The following SPDL1 variants were observed in gnomAD, a reference collection of about 807,000 sequenced individuals.
The protein encoded by SPDL1 is spindle apparatus coiled-coil protein 1, also known as protein Spindly.
A neutral mutation model predicts 79.5 loss-of-function variants in SPDL1; 85 were observed. The observed-to-expected ratio is 1.07, with a 90% confidence interval of 0.90 to 1.28. The LOEUF (loss-of-function observed/expected upper bound fraction) is 1.28, where lower values mean the gene tolerates loss of function less well. Ranked by LOEUF, SPDL1 falls within the 50% of genes most tolerant of loss-of-function variation. The pLI, the probability that SPDL1 is intolerant of heterozygous loss-of-function variation, is 0.00. For synonymous variants in SPDL1, 269 were observed against 240.3 expected (o/e 1.12, Z -1.10); for missense variants, 703 against 697.8 (o/e 1.01, Z -0.08).
chr5:169,586,474 G>A (rs1187063955), intron 1 of SPDL1: 2 of 152,194 alleles, frequency 1.3e-5, no homozygotes, highest in Non-Finnish European at 2.9e-5. Context: ...TCTATAGACT[G>A]ATAATTCTCA....
chr5:169,589,206 A>G (rs1171077406), intron 2 of SPDL1, among the ~76,000 whole-genome samples: 3 of 152,114 alleles, frequency 2.0e-5, no homozygotes, highest in Non-Finnish European at 4.4e-5. Context: ...CTAGACTACA[A>G]AGCATGTATC....
rs748539158 is a variant in SPDL1, at chr5:169,604,231, G to A, written c.*24G>A. 3.1e-5 allele frequency: 47 copies of A among 1,523,508 alleles called. No individual in the cohort carries two copies. In the East Asian group the frequency reaches 4.7e-4, roughly 15 times the overall value. 94.4% of individuals were successfully genotyped at this position (1,523,508 alleles called of 1,614,324 possible). A position where few individuals can be genotyped will look rare whatever the true frequency, so the allele number is the denominator to read the frequency against. ...AAAGACTTGTCTTTAATAAGAGTAC[G>A]GTGCCACTTGCCTCAAAAGTTACTA... On this transcript the variant is annotated 3_prime_UTR_variant, in exon 12 of 12. Transcript: ENST00000265295.
rs1246598577 is a variant in SPDL1 at position 169,604,665 on chromosome 5, A to G, written c.*458A>G. On this transcript the variant is annotated 3_prime_UTR_variant, in exon 12 of 12. Coordinates refer to ENST00000265295, the MANE Select transcript of SPDL1 (RefSeq NM_017785.5). ...ATGTGGCTTAAAATATATACATTAT[A>G]TTGTTTCAGGATTTTGTCAGTGTTT... 6.6e-6 allele frequency: 1 copy of G among 152,146 alleles called. No individual in the cohort carries two copies. The allele number at this position is 152,146 out of a possible 1,614,324, so 9.4% of individuals were successfully genotyped here.
In SPDL1 at chr5:169,594,698, A is replaced by C; in HGVS notation, c.891+17A>C. The C allele has an allele frequency of 6.4e-7, 1 of 1,570,696 alleles. No individual in the cohort carries two copies. Among genetic ancestry groups the C allele is most frequent in the African/African-American group, 1.4e-5 (1 of 73,994 alleles). On this transcript the variant is annotated intron_variant, in intron 7 of 11. Coordinates refer to ENST00000265295, the MANE Select transcript of SPDL1 (RefSeq NM_017785.5). ...AGAATGAAGGTATAGAACTTTCACT[A>C]TCAAAGGTTTATTAAACAAATTTTG... is the stretch of plus-strand genomic sequence containing the variant.
rs760202715 is a variant in SPDL1 at position 169,588,561 on chromosome 5, A to T, written c.145A>T (p.Met49Leu). 6.2e-7 allele frequency: 1 copy of T among 1,612,420 alleles called. No homozygotes were observed. Among genetic ancestry groups the T allele is most frequent in the African/African-American group, 1.3e-5 (1 of 74,872 alleles). The change falls in exon 2 of 12, where the codon ATG becomes TTG. Residue 49 changes from methionine (M) to leucine (L), a missense_variant. Transcript: ENST00000265295. ...NQLDKCRNEM[M>L]TMTESYEQEK... ...ATTGGATAAATGTCGTAATGAAATG[A>T]TGACCATGACTGAGGTAGGACTCTG...
At chr5:169,597,668 C>T (rs1581311767) in intron 8 of SPDL1, among the ~76,000 whole-genome samples, 1 of 152,106 alleles carries the variant, frequency 6.6e-6, no homozygotes, top group East Asian at 1.9e-4. Flanking sequence ...ACATTGATAT[C>T]TTCATTAACC....
At chr5:169,592,913 C>A (rs1186155115) in intron 3 of SPDL1, among the ~76,000 whole-genome samples, 1 of 145,838 alleles carries the variant, frequency 6.9e-6, no homozygotes, top group African/African-American at 2.5e-5. Context: ...TTTTTTAATA[C>A]CTTTTCTTCT....
In SPDL1 at chr5:169,601,358, TCAA is replaced by T. The variant is rs750392005; in HGVS notation, c.1409_1411del (p.Asn470del). The T allele has an allele frequency of 6.2e-7, 1 of 1,613,948 alleles. No homozygotes were observed. The highest frequency in any genetic ancestry group is 2.2e-5 in the East Asian group (1 of 44,878). ...ATAACCACCGCTAAAGATGCATGTGTCAACAACAGTGCTCTCGGGGGAGAAGTT... is the reference window on the plus strand; with the variant it reads ...ATAACCACCGCTAAAGATGCATGTGTCAACAGTGCTCTCGGGGGAGAAGTT... On this transcript the variant is annotated inframe_deletion, in exon 11 of 12. Transcript: ENST00000265295.
intron 1 of SPDL1, among the ~76,000 whole-genome samples, chr5:169,587,939 C>T (rs1215968223): frequency 1.3e-5 from 2 of 152,096 alleles, no homozygotes; most frequent in East Asian, 1.9e-4. Context: ...AGGCTGGTCT[C>T]GAATTCCTGG....
intron 11 of SPDL1, among the ~76,000 whole-genome samples, chr5:169,603,334 A>G (rs1290276187): frequency 6.6e-6 from 1 of 151,702 alleles, no homozygotes; most frequent in African/African-American, 2.4e-5. Context: ...TCTTTTCTTT[A>G]TTCTACTAGT....
At chr5:169,601,206 G>A (rs1755856871) in intron 10 of SPDL1, 74 bp from the exon 11 acceptor site, 1 of 1,364,282 alleles carries the variant, frequency 7.3e-7, no homozygotes, top group Non-Finnish European at 1.0e-6. Context: ...CATATAACTA[G>A]TTCTGGCTTC....
At chr5:169,592,038 G>A (rs989971747) in intron 3 of SPDL1, among the ~76,000 whole-genome samples, 23 of 152,144 alleles carry the variant, frequency 1.5e-4, no homozygotes, top group African/African-American at 5.1e-4. Context: ...ACCAAAACTT[G>A]CCTGACTTTT....
chr5:169,601,401 T>C lies in SPDL1; in HGVS notation c.1446T>C (p.Pro482=), dbSNP rs747083486. Residue 482 remains proline (P), a synonymous_variant, in exon 11 of 12, where the codon CCT becomes CCC. Transcript: ENST00000265295. ...GGGGAGAAGTTTATCGATTACCGCC[T>C]CAGAAAGAGGAGACACAGTCCTGCC... The part of the protein sequence containing the change: ...ALGGEVYRLP[P]QKEETQSCPN... 6.2e-7 allele frequency: 1 copy of C among 1,613,954 alleles called. No individual in the cohort carries two copies. Among genetic ancestry groups the C allele is most frequent in the Admixed American group, 1.7e-5 (1 of 59,990 alleles).
Position 169,604,197 on chromosome 5 carries a change from CT to C in SPDL1, c.1809del (p.Gln604AsnfsTer26). 6.3e-7 allele frequency: 1 copy of C among 1,588,358 alleles called. No individual in the cohort carries two copies. Among genetic ancestry groups the C allele is most frequent in the Middle Eastern group, 1.7e-4 (1 of 5,910 alleles). Reference sequence around the variant, plus strand: ...AAATCTACTCCAGAGACCCAGTGCCCTCAACAGTAAAGACTTGTCTTTAATA... The same window carrying C: ...AAATCTACTCCAGAGACCCAGTGCCCCAACAGTAAAGACTTGTCTTTAATA... The part of the protein sequence containing the change: ...SSKSTPETQC[P>X]QQ On this transcript the variant is annotated frameshift_variant, in exon 12 of 12. Coordinates refer to ENST00000265295, the MANE Select transcript of SPDL1 (RefSeq NM_017785.5). LOFTEE classifies it high-confidence loss of function.
intron 8 of SPDL1, among the ~76,000 whole-genome samples, chr5:169,597,574 A>G (rs1561874572): frequency 6.6e-6 from 1 of 152,066 alleles, no homozygotes; most frequent in Non-Finnish European, 1.5e-5. Context: ...TCATTTACAA[A>G]CATCTTGTCT....
Position 169,593,521 on chromosome 5 carries a change from T to G in SPDL1, c.504T>G (p.Ile168Met), listed in dbSNP as rs1233294778. ...CTTCAGAGATGCTGGCTCTTCAAAT[T>G]GAGCTGACAGAAATGGAGAGTATGA... ...SMSSEMLALQ[I>M]ELTEMESMKT... The change falls in exon 4 of 12, where the codon ATT (isoleucine) becomes ATG (methionine). Residue 168 changes from isoleucine to methionine, a missense_variant. Physicochemically the swap from Ile to Met is conservative, Grantham distance 10. Coordinates refer to ENST00000265295, the MANE Select transcript of SPDL1 (RefSeq NM_017785.5). 1 of 1,611,426 alleles carries G rather than the reference T, an allele frequency of 6.2e-7. No individual in the cohort carries two copies. Among genetic ancestry groups the G allele is most frequent in the African/African-American group, 1.3e-5 (1 of 74,900 alleles).
In SPDL1 at chr5:169,593,522, G is replaced by T; in HGVS notation, c.505G>T (p.Glu169Ter). Reference sequence around the variant, plus strand: ...TTCAGAGATGCTGGCTCTTCAAATTGAGCTGACAGAAATGGAGAGTATGAA... The same window carrying T: ...TTCAGAGATGCTGGCTCTTCAAATTTAGCTGACAGAAATGGAGAGTATGAA... ...MSSEMLALQI[E>*]LTEMESMKTT... The change falls in exon 4 of 12, where the codon GAG becomes TAG. Residue 169 changes from glutamate (E) to a stop codon, truncating the protein, a stop_gained. Transcript: ENST00000265295. LOFTEE classifies it high-confidence loss of function. 1 of 1,611,020 alleles carries T rather than the reference G, an allele frequency of 6.2e-7. No homozygotes were observed. The highest frequency in any genetic ancestry group is 8.5e-7 in the Non-Finnish European group (1 of 1,179,008).
rs1250473040 is a variant in SPDL1 at position 169,594,467 on chromosome 5, G to A, written c.755G>A (p.Ser252Asn). 3.1e-6 allele frequency: 5 copies of A among 1,613,896 alleles called. No individual in the cohort carries two copies. In the Admixed American group the frequency reaches 8.3e-5, roughly 27 times the overall value. ...CTCCAGCAAGCCTTGGATCCCAATA[G>A]TAAAGGCAACTCTTTGTTTGCAGAG... is the stretch of plus-strand genomic sequence containing the variant. Reference protein sequence around the residue: ...QALQQALDPNSKGNSLFAEVE... With the variant: ...QALQQALDPNNKGNSLFAEVE... Residue 252 changes from serine (S) to asparagine (N), a missense_variant, in exon 6 of 12, where the codon AGT (serine) becomes AAT (asparagine). Coordinates refer to ENST00000265295, the MANE Select transcript of SPDL1 (RefSeq NM_017785.5).
rs540470901 is a variant in SPDL1, at chr5:169,598,518, G to A, written c.1075G>A (p.Gly359Ser). Residue 359 changes from glycine to serine, a missense_variant, in exon 9 of 12, where the codon GGT (glycine) becomes AGT (serine). Gly to Ser is a moderately conservative substitution (Grantham distance 56, BLOSUM62 0). Coordinates refer to ENST00000265295, the MANE Select transcript of SPDL1 (RefSeq NM_017785.5). Reference protein sequence around the residue: ...SMESKPSVDSGTLEDNTYYTD... With the variant: ...SMESKPSVDSSTLEDNTYYTD... ...GGAATCTAAGCCTTCAGTCGACTCTGGTACTCTGGAAGATAACACCTATTA... is the reference window on the plus strand; with the variant it reads ...GGAATCTAAGCCTTCAGTCGACTCTAGTACTCTGGAAGATAACACCTATTA... 7.4e-6 allele frequency: 12 copies of A among 1,613,158 alleles called. No homozygotes were observed. The East Asian group carries it at 1.3e-4, about 18-fold the overall frequency.
Sources: gnomAD v4.1 joint callset for allele counts (sites outside exome capture counted in the v4.1 genomes callset) on GRCh38, gnomAD v4.1.1 for gene constraint, MANE v1.5 for transcripts, NCBI Gene and HGNC (gene_info 2026-07-23, HGNC 2026-07-21) for gene names.